SLCO3A1: variants seen among roughly 807,000 people sequenced by gnomAD.
SLCO3A1 encodes the protein PGE1 transporter.
Under a neutral mutation model 63.1 loss-of-function variants are expected in SLCO3A1, and 27 were observed. The observed-to-expected ratio is 0.43, with a 90% CI of 0.32 to 0.59. The LOEUF (loss-of-function observed/expected upper bound fraction) is 0.59. Ranked by LOEUF, SLCO3A1 falls within the 20% of genes least tolerant of loss-of-function variation. The pLI, the probability that SLCO3A1 is intolerant of heterozygous loss-of-function variation, is 0.09. For synonymous variants in SLCO3A1, 473 were observed against 409.9 expected, an observed-to-expected ratio of 1.15 and a Z score of -1.86; for missense variants, 773 against 945.8, an observed-to-expected ratio of 0.82 and a Z score of 2.40.
chr15:91,951,929 C>T (rs1056177310), intron 2 of SLCO3A1, among the ~76,000 whole-genome samples: 1 of 152,110 alleles, frequency 6.6e-6, no homozygotes, highest in African/African-American at 2.4e-5. Context: ...ACTGCTGTGT[C>T]GTGTTGTAAC....
intron 2 of SLCO3A1, among the ~76,000 whole-genome samples, chr15:91,981,172 C>T (rs151301675): frequency 6.6e-6 from 1 of 152,258 alleles, no homozygotes; most frequent in East Asian, 1.9e-4. Flanking sequence ...TGGGATGATT[C>T]GGATGCCTGG....
chr15:91,917,409 A>G (rs935885379), intron 2 of SLCO3A1, among the ~76,000 whole-genome samples: 2 of 152,256 alleles, frequency 1.3e-5, no homozygotes, highest in Non-Finnish European at 2.9e-5. Flanking sequence ...AAAGGTTCCT[A>G]TCTGCCAGGC....
intron 1 of SLCO3A1, among the ~76,000 whole-genome samples, chr15:91,915,202 C>T (rs754973688): frequency 6.6e-6 from 1 of 152,092 alleles, no homozygotes; most frequent in African/African-American, 2.4e-5. Context: ...TAGATGGCTT[C>T]TTCAGGCCAG....
chr15:91,974,265 G>GTTGTTATTATTA (rs147991710), intron 2 of SLCO3A1, among the ~76,000 whole-genome samples: 1,921 of 142,936 alleles, frequency 0.013, 34 homozygotes, highest in African/African-American at 0.036. Context: ...TTTCATTATT[G>GTTGTTATTATTA]TTATTATTAT....
intron 2 of SLCO3A1, among the ~76,000 whole-genome samples, chr15:92,056,051 TTC>T (rs1406381010): frequency 6.6e-6 from 1 of 152,092 alleles, no homozygotes; most frequent in African/African-American, 2.4e-5. Flanking sequence ...AGGTGGTATT[TTC>T]TCTGTTTTTC....
intron 2 of SLCO3A1, among the ~76,000 whole-genome samples, chr15:92,007,267 T>G (rs1240211508): frequency 6.6e-6 from 1 of 152,218 alleles, no homozygotes; most frequent in Admixed American, 6.5e-5. Context: ...GGAGAACCCA[T>G]AAACACAAAA....
At chr15:92,109,127 A>G (rs1417562558) in intron 4 of SLCO3A1, among the ~76,000 whole-genome samples, 1 of 152,192 alleles carries the variant, frequency 6.6e-6, no homozygotes, top group African/African-American at 2.4e-5. Context: ...CACAGATAGC[A>G]GGTAATGATT....
chr15:92,016,245 ATAGATAGAT>A lies in SLCO3A1; in HGVS notation c.647-78626_647-78618del, dbSNP rs1483740683. ...GATAGATAGATAGATAGATAGATAG[ATAGATAGAT>A]TAGATAGATAGATAGATAGATAGAT... On this transcript the variant is annotated intron_variant, in intron 2 of 9. Coordinates refer to ENST00000318445, the MANE Select transcript of SLCO3A1 (RefSeq NM_013272.4). Among the ~76,000 whole-genome samples, 108 of 55,040 alleles carry A rather than the reference ATAGATAGAT, an allele frequency of 2.0e-3. 1 individual carries two copies. Among genetic ancestry groups the A allele is most frequent in the African/African-American group, 6.4e-3 (60 of 9,332 alleles). The allele number at this position is 55,040 out of a possible 152,430, so 36.1% of individuals were successfully genotyped here.
chr15:92,092,166 A>G (rs2047485717), intron 2 of SLCO3A1, among the ~76,000 whole-genome samples: 1 of 152,118 alleles, frequency 6.6e-6, no homozygotes. Context: ...TACTGTCCCC[A>G]AGCATGGGGA....
chr15:91,914,859 A>C (rs1174441376), intron 1 of SLCO3A1, among the ~76,000 whole-genome samples: 2 of 152,148 alleles, frequency 1.3e-5, no homozygotes, highest in Non-Finnish European at 2.9e-5. Flanking sequence ...GGTGTGAGCC[A>C]CTGCTCCCGG....
Position 91,875,874 on chromosome 15 carries a change from A to C in SLCO3A1, c.180+21786A>C, listed in dbSNP as rs1375695509. 2.0e-5 allele frequency among the ~76,000 whole-genome samples: 3 copies of C among 152,160 alleles called. No homozygotes were observed. In the East Asian group the frequency reaches 5.8e-4, roughly 29 times the overall value. On this transcript the variant is annotated intron_variant, in intron 1 of 9. Coordinates refer to ENST00000318445, the MANE Select transcript of SLCO3A1 (RefSeq NM_013272.4). This position sits in a 1 kb window ranked among gnomAD's most constrained non-coding sequence, Gnocchi z 4.5. ...ATATTATCATCATCATGTGACAGAA[A>C]CCATATTGCCTGCAAGTAATATGGC...
At chr15:91,991,428 A>T (rs1031060475) in intron 2 of SLCO3A1, among the ~76,000 whole-genome samples, 1 of 152,190 alleles carries the variant, frequency 6.6e-6, no homozygotes, top group Non-Finnish European at 1.5e-5. Context: ...CTTTTAGGCT[A>T]ACATTGTGCA....
In SLCO3A1 at chr15:91,875,530, G is replaced by A. The variant is rs72750053; in HGVS notation, c.180+21442G>A. ...TCAGTTGGAGATGATTAAAGTACCT[G>A]CCACAGAGGGCTCTCCTGAGCGTGA... On this transcript the variant is annotated intron_variant, in intron 1 of 9. Transcript: ENST00000318445. The surrounding 1 kb of genome is among the most constrained non-coding windows in gnomAD (Gnocchi z 4.5). Among the ~76,000 whole-genome samples, 10,349 of 152,316 alleles carry A rather than the reference G, an allele frequency of 0.068. 500 individuals carry two copies. Among genetic ancestry groups the A allele is most frequent in the Non-Finnish European group, 0.1 (6,816 of 68,028 alleles).
At chr15:92,045,844 T>A (rs761131899) in intron 2 of SLCO3A1, among the ~76,000 whole-genome samples, 6 of 152,114 alleles carry the variant, frequency 3.9e-5, no homozygotes, top group Non-Finnish European at 7.4e-5. Flanking sequence ...TATCAATATC[T>A]CCAGTCACTT....
chr15:92,138,284 T>C (rs1377838048), intron 7 of SLCO3A1, among the ~76,000 whole-genome samples: 1 of 87,862 alleles, frequency 1.1e-5, no homozygotes, highest in East Asian at 3.6e-4. Flanking sequence ...CAGATAGTTG[T>C]AGATATGTGG....
chr15:92,070,929 A>G (rs772770087), intron 2 of SLCO3A1, among the ~76,000 whole-genome samples: 9 of 152,196 alleles, frequency 5.9e-5, no homozygotes, highest in Non-Finnish European at 1.0e-4. Context: ...TGGACATTTT[A>G]TCACAATTAA....
At chr15:92,100,466 A>G (rs550538955) in intron 3 of SLCO3A1, among the ~76,000 whole-genome samples, 2 of 152,322 alleles carry the variant, frequency 1.3e-5, no homozygotes, top group East Asian at 3.9e-4. Flanking sequence ...TTTGTTGGCA[A>G]TTGAATGCAT....
intron 2 of SLCO3A1, among the ~76,000 whole-genome samples, chr15:91,989,745 C>T (rs2046102920): frequency 6.6e-6 from 1 of 152,202 alleles, no homozygotes; most frequent in Non-Finnish European, 1.5e-5. Context: ...TTTGCTGATA[C>T]CAACTCAGGG....
intron 2 of SLCO3A1, among the ~76,000 whole-genome samples, chr15:91,926,253 C>G (rs994190593): frequency 6.6e-6 from 1 of 152,202 alleles, no homozygotes; most frequent in Non-Finnish European, 1.5e-5. Flanking sequence ...CCACCTTTCT[C>G]CCTACCTATC....
Sources: allele counts gnomAD v4.1 joint callset (sites outside exome capture counted in the v4.1 genomes callset), GRCh38; gene constraint gnomAD v4.1.1; non-coding constraint Gnocchi (gnomAD v3.1); transcripts MANE v1.5; gene names NCBI Gene and HGNC (gene_info 2026-07-23, HGNC 2026-07-21).